The following ATP10B variants were observed in gnomAD, a reference collection of about 807,000 sequenced individuals.
The protein encoded by ATP10B is ATPase phospholipid transporting 10B (putative), also known as phospholipid-transporting ATPase VB.
ATP10B carries 122 observed loss-of-function variants against 141.2 expected under a neutral mutation model. The observed-to-expected ratio is 0.86, with a 90% CI of 0.75 to 1.00. The LOEUF (loss-of-function observed/expected upper bound fraction) is 1.00. Ranked by LOEUF, ATP10B falls within the 50% of genes least tolerant of loss-of-function variation. The pLI, the probability that ATP10B is intolerant of heterozygous loss-of-function variation, is 0.00. For missense variants in ATP10B, 1,876 were observed against 1,825.3 expected, an observed-to-expected ratio of 1.03 and a Z score of -0.51; for synonymous variants, 685 against 692.0, an observed-to-expected ratio of 0.99 and a Z score of 0.16.
the ATP10B span, among the ~76,000 whole-genome samples, chr5:160,862,443 A>C: frequency 6.6e-6 from 1 of 152,026 alleles, no homozygotes; most frequent in African/African-American, 2.4e-5. Flanking sequence ...TAATCACATA[A>C]GTCAATTTCT....
intron 2 of ATP10B, among the ~76,000 whole-genome samples, chr5:160,735,930 T>A (rs1269894424): frequency 2.0e-5 from 3 of 152,018 alleles, no homozygotes; most frequent in South Asian, 2.1e-4. Context: ...TTAAAAAAAA[T>A]TCTTGAAACA....
chr5:160,890,059 C>G, the ATP10B span, among the ~76,000 whole-genome samples: 1 of 152,174 alleles, frequency 6.6e-6, no homozygotes, highest in African/African-American at 2.4e-5. Context: ...GGTGCTTTTC[C>G]TTCAGAGTGT....
At chr5:160,772,118 C>T (rs1425338980) in intron 2 of ATP10B, among the ~76,000 whole-genome samples, 1 of 152,214 alleles carries the variant, frequency 6.6e-6, no homozygotes, top group Non-Finnish European at 1.5e-5. Flanking sequence ...ATACTGATTT[C>T]AAATCTTTTG....
chr5:160,892,751 T>A, the ATP10B span, among the ~76,000 whole-genome samples: 2 of 152,174 alleles, frequency 1.3e-5, no homozygotes, highest in African/African-American at 4.8e-5. Flanking sequence ...CAGGTATGGC[T>A]GGCAAGATGG....
At chr5:160,888,692 T>G in the ATP10B span, among the ~76,000 whole-genome samples, 207 of 152,328 alleles carry the variant, frequency 1.4e-3, no homozygotes, top group Non-Finnish European at 2.4e-3. Context: ...TCTTCCTTTG[T>G]TCCTAGGATT....
the ATP10B span, among the ~76,000 whole-genome samples, chr5:160,923,964 C>T: frequency 2.6e-5 from 4 of 152,314 alleles, no homozygotes; most frequent in East Asian, 7.7e-4. Flanking sequence ...ACACTCTGCC[C>T]TCATGTTTAC....
In ATP10B at chr5:160,622,410, G is replaced by A; in HGVS notation, c.1796C>T (p.Thr599Ile). 6.2e-7 allele frequency: 1 copy of A among 1,613,306 alleles called. No individual in the cohort carries two copies. The highest frequency in any genetic ancestry group is 8.5e-7 in the Non-Finnish European group (1 of 1,179,784). Residue 599 changes from threonine to isoleucine, a missense_variant, in exon 14 of 26, where the codon ACC (threonine) becomes ATC (isoleucine). By Grantham distance (89) the Thr-to-Ile change is moderately conservative. Coordinates refer to ENST00000327245, the MANE Select transcript of ATP10B (RefSeq NM_025153.3). The stretch of plus-strand genomic sequence containing the variant: ...GGTCCTTACCCTCTGCCTGGGCTCG[G>A]TGGTTGTGGACACCATGACAGAGTT... ...ICNSVMVSTT[T>I]EPRQRVTIKP...
chr5:160,850,840 T>G (rs1199610007), intron 1 of ATP10B, among the ~76,000 whole-genome samples: 1 of 152,202 alleles, frequency 6.6e-6, no homozygotes. Flanking sequence ...ATAATTAGGC[T>G]GTAAGAAATG....
chr5:160,813,313 C>A (rs1773309819), intron 1 of ATP10B, among the ~76,000 whole-genome samples: 1 of 152,222 alleles, frequency 6.6e-6, no homozygotes, highest in African/African-American at 2.4e-5. Context: ...ATGGTCTTAG[C>A]AAACGACACA....
chr5:160,913,293 T>C, the ATP10B span, among the ~76,000 whole-genome samples: 3 of 152,182 alleles, frequency 2.0e-5, no homozygotes, highest in East Asian at 5.8e-4. Context: ...CTTCTACTTC[T>C]AAAAATCCCA....
At chr5:160,756,897 G>C (rs1046383446) in intron 2 of ATP10B, among the ~76,000 whole-genome samples, 10 of 151,766 alleles carry the variant, frequency 6.6e-5, no homozygotes, top group Non-Finnish European at 1.2e-4. Context: ...TTTTTTCCTA[G>C]TATATAGCTT....
At chr5:160,882,409 A>G in the ATP10B span, among the ~76,000 whole-genome samples, 1 of 152,130 alleles carries the variant, frequency 6.6e-6, no homozygotes, top group African/African-American at 2.4e-5. Flanking sequence ...CTGTGAACTT[A>G]AGATTGTTCT....
the ATP10B span, among the ~76,000 whole-genome samples, chr5:160,920,418 G>T: frequency 1.3e-5 from 2 of 152,332 alleles, no homozygotes; most frequent in Admixed American, 1.3e-4. Flanking sequence ...ACCAAGCTTA[G>T]AAGAATCTCA....
chr5:160,653,006 T>C (rs1285806725), intron 7 of ATP10B, among the ~76,000 whole-genome samples: 1 of 106,036 alleles, frequency 9.4e-6, no homozygotes, highest in East Asian at 2.5e-4. Context: ...TTATATATTA[T>C]ATATATTTAT....
chr5:160,869,126 G>T, the ATP10B span, among the ~76,000 whole-genome samples: 1 of 152,058 alleles, frequency 6.6e-6, no homozygotes, highest in Non-Finnish European at 1.5e-5. Flanking sequence ...TATAAATTAT[G>T]TATATAAATA....
chr5:160,812,020 C>CACAG lies in ATP10B; in HGVS notation c.-575-26218_-575-26217insCTGT, dbSNP rs1211580744. Reference sequence around the variant, plus strand: ...AGAGAGACAGAGACAGAGACAGAGACAGAGAGAGAGAGAGAGAGAGAGAGA... The same window carrying CACAG: ...AGAGAGACAGAGACAGAGACAGAGACACAGAGAGAGAGAGAGAGAGAGAGAGAGA... On this transcript the variant is annotated intron_variant, in intron 1 of 25. Coordinates refer to ENST00000327245, the MANE Select transcript of ATP10B (RefSeq NM_025153.3). Among the ~76,000 whole-genome samples the CACAG allele has an allele frequency of 5.2e-3, 583 of 111,482 alleles. 6 individuals are homozygous for CACAG. The highest frequency in any genetic ancestry group is 0.04 in the East Asian group (120 of 3,006). The allele number at this position is 111,482 out of a possible 152,430, so 73.1% of individuals were successfully genotyped here. A position where few individuals can be genotyped will look rare whatever the true frequency, so the allele number is the denominator to read the frequency against.
rs1439794174 is a variant in ATP10B, at chr5:160,649,226, T to C, written c.706A>G (p.Asn236Asp). 1.9e-6 allele frequency: 3 copies of C among 1,614,024 alleles called. No homozygotes were observed. Among genetic ancestry groups the C allele is most frequent in the Admixed American group, 1.7e-5 (1 of 60,014 alleles). The stretch of plus-strand genomic sequence containing the variant: ...TTGGGTTTCTCACACACGATGGTAT[T>C]GTGGAAAAGCTCTGGTTCGAACTGT... ...EVQFEPELFH[N>D]TIVCEKPNNH... Residue 236 changes from asparagine to aspartate, a missense_variant, in exon 8 of 26, where the codon AAT (asparagine) becomes GAT (aspartate). Transcript: ENST00000327245.
the ATP10B span, among the ~76,000 whole-genome samples, chr5:160,866,682 A>G: frequency 1.2e-4 from 19 of 152,274 alleles, no homozygotes; most frequent in African/African-American, 4.1e-4. Context: ...CTCAAAAACA[A>G]AACAAAACAA....
intron 2 of ATP10B, among the ~76,000 whole-genome samples, chr5:160,768,862 T>G (rs1434577963): frequency 6.6e-6 from 1 of 152,164 alleles, no homozygotes; most frequent in Non-Finnish European, 1.5e-5. Context: ...CACAGTATGT[T>G]GGACACTGGG....
Sources: allele counts gnomAD v4.1 joint callset (sites outside exome capture counted in the v4.1 genomes callset), GRCh38; gene constraint gnomAD v4.1.1; transcripts MANE v1.5; gene names NCBI Gene and HGNC (gene_info 2026-07-23, HGNC 2026-07-21).